The following EPB41L4B variants were observed in gnomAD, a reference collection of about 807,000 sequenced individuals.
The protein encoded by EPB41L4B is erythrocyte membrane protein band 4.1 like 4B.
In EPB41L4B, 30 loss-of-function variants were observed where a neutral mutation model predicts 112.5. That is an observed-to-expected ratio of 0.27 (90% CI 0.20 to 0.36). The LOEUF (loss-of-function observed/expected upper bound fraction) is 0.36. Ranked by LOEUF, EPB41L4B falls within the 10% of genes least tolerant of loss-of-function variation. The pLI, the probability that EPB41L4B is intolerant of heterozygous loss-of-function variation, is 1.00. For synonymous variants in EPB41L4B, 408 were observed against 439.7 expected, an observed-to-expected ratio of 0.93 and a Z score of 0.90; for missense variants, 1,024 against 1,133.3, an observed-to-expected ratio of 0.90 and a Z score of 1.38.
chr9:109,217,072 G>T lies in EPB41L4B; in HGVS notation c.1483C>A (p.Pro495Thr), dbSNP rs777822439. 5.6e-6 allele frequency: 9 copies of T among 1,614,122 alleles called. No individual in the cohort carries two copies. The highest frequency in any genetic ancestry group is 7.6e-6 in the Non-Finnish European group (9 of 1,180,064). The change falls in exon 16 of 26, where the codon CCG becomes ACG. Residue 495 changes from proline to threonine, a missense_variant. Coordinates refer to ENST00000374566, the MANE Select transcript of EPB41L4B (RefSeq NM_019114.5). The stretch of plus-strand genomic sequence containing the variant: ...CTTCCTGAAGCTGCGGTGAGGAACG[G>T]TGTGCCCCCATTCTCCTCAATGCCA... ...PFGIEENGGTPFLTAASGRHH... is the reference protein window; with the variant it reads ...PFGIEENGGTTFLTAASGRHH...
chr9:109,270,619 A>G (rs1030550468), intron 2 of EPB41L4B, among the ~76,000 whole-genome samples: 6 of 152,244 alleles, frequency 3.9e-5, no homozygotes, highest in African/African-American at 1.4e-4. Context: ...TTTCACTTTC[A>G]AAAGAATTCA....
intron 2 of EPB41L4B, among the ~76,000 whole-genome samples, chr9:109,277,863 T>C (rs1307641256): frequency 6.6e-6 from 1 of 152,064 alleles, no homozygotes; most frequent in Non-Finnish European, 1.5e-5. Flanking sequence ...CAAGGGAAGT[T>C]ATCCTGGAAT....
intron 24 of EPB41L4B, among the ~76,000 whole-genome samples, chr9:109,181,632 T>A (rs945984457): frequency 6.6e-6 from 1 of 151,330 alleles, no homozygotes; most frequent in Non-Finnish European, 1.5e-5. Flanking sequence ...AGCCCAGGAG[T>A]TCGAGACCAG....
chr9:109,305,545 G>C (rs988771344), intron 1 of EPB41L4B, among the ~76,000 whole-genome samples: 2 of 152,164 alleles, frequency 1.3e-5, no homozygotes, highest in African/African-American at 4.8e-5. Flanking sequence ...TTGAACCCAG[G>C]AGGAGGAGGT....
intron 16 of EPB41L4B, among the ~76,000 whole-genome samples, chr9:109,216,062 G>T (rs938260785): frequency 2.0e-5 from 3 of 152,182 alleles, no homozygotes; most frequent in Admixed American, 1.3e-4. Flanking sequence ...ACACCACTTT[G>T]CTCTCCCAAG....
intron 4 of EPB41L4B, 37 bp downstream of exon 4, chr9:109,267,436 C>T: frequency 5.0e-6 from 7 of 1,409,046 alleles, no homozygotes; most frequent in Non-Finnish European, 7.0e-6. Flanking sequence ...TAAGGCAAGC[C>T]CTGCTGGGCG....
At chr9:109,237,965 C>T (rs899316918) in intron 15 of EPB41L4B, among the ~76,000 whole-genome samples, 1 of 152,008 alleles carries the variant, frequency 6.6e-6, no homozygotes, top group Non-Finnish European at 1.5e-5. Context: ...AACTGTTCAA[C>T]ATCATCTAGC....
chr9:109,286,344 G>A (rs1352312133), intron 1 of EPB41L4B, among the ~76,000 whole-genome samples: 2 of 152,116 alleles, frequency 1.3e-5, no homozygotes, highest in Admixed American at 6.6e-5. Context: ...ACAACAGACT[G>A]GTGGTGCTCT....
At chr9:109,192,471 T>G (rs575826531) in intron 21 of EPB41L4B, 116 bp from the exon 22 acceptor site, 1 of 641,732 alleles carries the variant, frequency 1.6e-6, no homozygotes, top group African/African-American at 1.8e-5. Context: ...TCATTAGCAA[T>G]GACAATCCCC....
chr9:109,320,247 A>G lies in EPB41L4B; in HGVS notation c.200T>C (p.Leu67Pro), dbSNP rs1208646379. The part of the protein sequence containing the change: ...SVFPAGGGPL[L>P]TGGAAVHISA... ...GATGTGCACGGCCGCGCCGCCGGTG[A>G]GCAGGGGCCCGCCGCCCGCCGGGAA... The change falls in exon 1 of 26, where the codon CTC becomes CCC. Residue 67 changes from leucine to proline, a missense_variant. By Grantham distance (98) the Leu-to-Pro change is moderately conservative. Transcript: ENST00000374566. 3 of 1,244,286 alleles carry G rather than the reference A, an allele frequency of 2.4e-6. No individual in the cohort carries two copies. The highest frequency in any genetic ancestry group is 3.0e-6 in the Non-Finnish European group (3 of 989,832). The allele number at this position is 1,244,286 out of a possible 1,614,324, so 77.1% of individuals were successfully genotyped here. A position where few individuals can be genotyped will look rare whatever the true frequency, so the allele number is the denominator to read the frequency against.
At chr9:109,212,953 C>G (rs770935755) in intron 17 of EPB41L4B, among the ~76,000 whole-genome samples, 1 of 152,186 alleles carries the variant, frequency 6.6e-6, no homozygotes, top group South Asian at 2.1e-4. Context: ...AGTTGAGAAA[C>G]GCTGGCAAAG....
chr9:109,207,849 G>A lies in EPB41L4B; in HGVS notation c.1878+75C>T, dbSNP rs139686241. 41 of 1,583,668 alleles carry A rather than the reference G, an allele frequency of 2.6e-5. No individual in the cohort carries two copies. The East Asian group carries it at 8.1e-4, about 31-fold the overall frequency. On this transcript the variant is annotated intron_variant, in intron 18 of 25. Transcript: ENST00000374566. Reference sequence around the variant, plus strand: ...GACTGACACAGCATCTCAGTCCTACGGTGCCTCTTTCTTCTCTGTGGCATC... The same window carrying A: ...GACTGACACAGCATCTCAGTCCTACAGTGCCTCTTTCTTCTCTGTGGCATC...
chr9:109,240,767 AAG>A (rs1426354604), intron 15 of EPB41L4B: 2 of 985,338 alleles, frequency 2.0e-6, no homozygotes, highest in Non-Finnish European at 2.4e-6. Context: ...GTTGCTTTTT[AAG>A]AGTGAAGTCT....
chr9:109,281,071 C>T (rs1836015095), intron 1 of EPB41L4B, among the ~76,000 whole-genome samples: 1 of 150,722 alleles, frequency 6.6e-6, no homozygotes, highest in South Asian at 2.1e-4. Context: ...AGCTATGACA[C>T]CAAAAGCACA....
chr9:109,290,728 T>TATAC (rs1200899575), intron 1 of EPB41L4B, among the ~76,000 whole-genome samples: 22 of 137,114 alleles, frequency 1.6e-4, no homozygotes, highest in African/African-American at 5.6e-4. Flanking sequence ...TATATATATA[T>TATAC]ACACACACAC....
At chr9:109,295,731 T>A (rs987375079) in intron 1 of EPB41L4B, among the ~76,000 whole-genome samples, 1 of 152,198 alleles carries the variant, frequency 6.6e-6, no homozygotes, top group Non-Finnish European at 1.5e-5. Flanking sequence ...TTTCTGCTAC[T>A]GAAAGGTTAA....
At chr9:109,241,610 A>C (rs928070818) in intron 15 of EPB41L4B, 4 of 1,607,770 alleles carry the variant, frequency 2.5e-6, no homozygotes, top group Non-Finnish European at 3.4e-6. Flanking sequence ...GACACTTTTC[A>C]TGGAATGCAA....
intron 17 of EPB41L4B, among the ~76,000 whole-genome samples, chr9:109,213,146 A>T (rs1833242351): frequency 6.6e-6 from 1 of 152,234 alleles, no homozygotes; most frequent in African/African-American, 2.4e-5. Flanking sequence ...GGTCTGAGAC[A>T]TTGAGAAGGT....
chr9:109,303,892 T>A (rs1260800303), intron 1 of EPB41L4B, among the ~76,000 whole-genome samples: 1 of 152,142 alleles, frequency 6.6e-6, no homozygotes, highest in East Asian at 1.9e-4. Flanking sequence ...TCCCATTATG[T>A]TTTTTCCCTT....
Sources: gnomAD v4.1 joint callset for allele counts (sites outside exome capture counted in the v4.1 genomes callset) on GRCh38, gnomAD v4.1.1 for gene constraint, MANE v1.5 for transcripts, NCBI Gene and HGNC (gene_info 2026-07-23, HGNC 2026-07-21) for gene names.